The following IL18RAP variants were observed in gnomAD, a reference collection of about 807,000 sequenced individuals.
IL18RAP encodes the protein interleukin 18 receptor accessory protein, also known as interleukin-18 receptor accessory protein.
IL18RAP carries 37 observed loss-of-function variants against 58.1 expected under a neutral mutation model. The ratio of observed to expected loss-of-function variants is 0.64; its 90% CI spans 0.49 to 0.84. The LOEUF is 0.84. IL18RAP is among the 40% of genes least tolerant of loss of function. The pLI, the probability that IL18RAP is intolerant of heterozygous loss-of-function variation, is 0.00. For missense variants in IL18RAP, 667 were observed against 704.8 expected (o/e 0.95, Z 0.61); for synonymous variants, 268 against 257.5 (o/e 1.04, Z -0.39).
chr2:102,447,162 G>C lies in IL18RAP; in HGVS notation c.1165G>C (p.Val389Leu), dbSNP rs1174289057. The C allele has an allele frequency of 1.2e-6, 2 of 1,614,168 alleles. No homozygotes were observed. The highest frequency in any genetic ancestry group is 1.7e-6 in the Non-Finnish European group (2 of 1,180,036). Residue 389 changes from valine to leucine, a missense_variant, in exon 8 of 10, where the codon GTG becomes CTG. Transcript: ENST00000687160. ...CCTCTACAGGCACTGGATTGAAATA[G>C]TGCTGCTGTACCGGACCTACCAGAG... Reference protein sequence around the residue: ...ALLYRHWIEIVLLYRTYQSKD... With the variant: ...ALLYRHWIEILLLYRTYQSKD...
chr2:102,444,912 ATTG>A (rs1455893212), intron 6 of IL18RAP, among the ~76,000 whole-genome samples: 1 of 152,230 alleles, frequency 6.6e-6, no homozygotes, highest in Non-Finnish European at 1.5e-5. Flanking sequence ...TTCTTAAGGT[ATTG>A]TTATTATCTA....
At chr2:102,429,276 G>A (rs917394577) in intron 3 of IL18RAP, among the ~76,000 whole-genome samples, 1 of 151,710 alleles carries the variant, frequency 6.6e-6, no homozygotes, top group Non-Finnish European at 1.5e-5. Flanking sequence ...TAGATTTTCT[G>A]TTTCTTTATG....
Position 102,424,135 on chromosome 2 carries a change from A to G in IL18RAP, c.395A>G (p.Lys132Arg), listed in dbSNP as rs558344581. The G allele has an allele frequency of 6.2e-7, 1 of 1,609,958 alleles. No homozygotes were observed. The highest frequency in any genetic ancestry group is 1.3e-5 in the African/African-American group (1 of 74,848). ...GSYICRPKMI[K>R]SPYDVACCVK... is the part of the protein sequence containing the mutation. ...TATATTTGTAGACCCAAGATGATTA[A>G]GTATGATCCAAATACATTTCTATCT... Residue 132 changes from lysine (K) to arginine (R), a missense_variant and splice_region_variant, in exon 2 of 10, where the codon AAG (lysine) becomes AGG (arginine). By Grantham distance (26) the Lys-to-Arg change is conservative (BLOSUM62 2). Transcript: ENST00000687160.
chr2:102,424,085 C>T lies in IL18RAP; in HGVS notation c.345C>T (p.Thr115=), dbSNP rs775331372. The change falls in exon 2 of 10, where the codon ACC becomes ACT. Residue 115 remains threonine, a synonymous_variant. Transcript: ENST00000687160. ...IQDKCTLHFL[T]PGVNNSGSYI... Reference sequence around the variant, plus strand: ...ACAAATGTACCCTTCACTTTTTGACCCCAGGGGTGAATAATTCTGGGTCAT... The same window carrying T: ...ACAAATGTACCCTTCACTTTTTGACTCCAGGGGTGAATAATTCTGGGTCAT... The T allele has an allele frequency of 2.7e-5, 44 of 1,613,660 alleles. 1 individual carries two copies. The South Asian group carries it at 4.1e-4, about 15-fold the overall frequency.
At position 102,423,472 on chromosome 2, in the gene IL18RAP, G is replaced by T. The variant is rs1681709758; in HGVS notation, c.70+125G>T. ...CCTTTCCATCCTACTATTAAAAGGGGACTGAGAGGAGAATTATTAGGGTGA... is the reference window on the plus strand; with the variant it reads ...CCTTTCCATCCTACTATTAAAAGGGTACTGAGAGGAGAATTATTAGGGTGA... On this transcript the variant is annotated intron_variant, in intron 1 of 9. Coordinates refer to ENST00000687160, the MANE Select transcript of IL18RAP (RefSeq NM_001393487.1). 4 of 832,674 alleles carry T rather than the reference G, an allele frequency of 4.8e-6. No individual in the cohort carries two copies. In the East Asian group the frequency reaches 9.8e-5, roughly 20 times the overall value. The allele number at this position is 832,674 out of a possible 1,614,324, so 51.6% of individuals were successfully genotyped here.
At chr2:102,429,120 T>A (rs1297266202) in intron 3 of IL18RAP, among the ~76,000 whole-genome samples, 1 of 152,004 alleles carries the variant, frequency 6.6e-6, no homozygotes, top group Admixed American at 6.6e-5. Flanking sequence ...TGTTGTGGAT[T>A]TTTGCATCTG....
At position 102,437,348 on chromosome 2, in the gene IL18RAP, A is replaced by C. The variant is rs781034278; in HGVS notation, c.716A>C (p.Gln239Pro). 6.2e-7 allele frequency: 1 copy of C among 1,610,968 alleles called. No homozygotes were observed. Among genetic ancestry groups the C allele is most frequent in the Non-Finnish European group, 8.5e-7 (1 of 1,179,042 alleles). Residue 239 changes from glutamine to proline, a missense_variant, in exon 4 of 10, where the codon CAA (glutamine) becomes CCA (proline). Transcript: ENST00000687160. ...VSSWTVRAVV[Q>P]VRTIVGDTKL... ...TCGTGGACAGTCAGAGCTGTTGTTC[A>C]AGTGAGAACCATTGGTAAGTGAGAT... is the stretch of plus-strand genomic sequence containing the variant.
rs773890240 is a variant in IL18RAP at position 102,452,216 on chromosome 2, G to A, written c.*35G>A. ...TGGAGCCCCCTCCAGTCCAGTCCCT[G>A]GGATAGAGATGTTGCTGGACAGAAC... On this transcript the variant is annotated 3_prime_UTR_variant, in exon 10 of 10. Transcript: ENST00000687160. 1.3e-6 allele frequency: 2 copies of A among 1,537,852 alleles called. No homozygotes were observed. The highest frequency in any genetic ancestry group is 4.2e-5 in the Admixed American group (2 of 48,002).
intron 4 of IL18RAP, among the ~76,000 whole-genome samples, chr2:102,438,070 C>A (rs895721774): frequency 5.9e-5 from 9 of 152,130 alleles, no homozygotes; most frequent in African/African-American, 2.2e-4. Flanking sequence ...CTTTTCTGCT[C>A]CATAGTATAC....
chr2:102,445,573 G>A (rs996122519), intron 7 of IL18RAP, among the ~76,000 whole-genome samples: 3 of 152,160 alleles, frequency 2.0e-5, no homozygotes, highest in African/African-American at 7.2e-5. Context: ...TCTGCGTTTG[G>A]GAGGCCATGT....
intron 3 of IL18RAP, among the ~76,000 whole-genome samples, chr2:102,427,478 G>A (rs1344014809): frequency 2.0e-5 from 3 of 152,074 alleles, no homozygotes; most frequent in Non-Finnish European, 4.4e-5. Context: ...GTGATACTCA[G>A]CATTTTTTCA....
At chr2:102,435,544 C>T (rs1197159260) in intron 3 of IL18RAP, among the ~76,000 whole-genome samples, 1 of 152,034 alleles carries the variant, frequency 6.6e-6, no homozygotes, top group African/African-American at 2.4e-5. Flanking sequence ...ATATGAAAAC[C>T]TGAAATGCAC....
intron 3 of IL18RAP, among the ~76,000 whole-genome samples, chr2:102,428,782 A>T (rs1682138598): frequency 6.6e-6 from 1 of 151,806 alleles, no homozygotes; most frequent in South Asian, 2.1e-4. Context: ...TGTTTTGTTA[A>T]TCTGTTCTTA....
At chr2:102,428,517 T>A (rs1363076384) in intron 3 of IL18RAP, among the ~76,000 whole-genome samples, 1 of 151,900 alleles carries the variant, frequency 6.6e-6, no homozygotes, top group Non-Finnish European at 1.5e-5. Flanking sequence ...CAGTTCATTT[T>A]CAGTACAGGG....
chr2:102,435,033 T>C (rs1682641349), intron 3 of IL18RAP: 1 of 152,014 alleles, frequency 6.6e-6, no homozygotes, highest in Non-Finnish European at 1.5e-5. Flanking sequence ...AATCTATCAA[T>C]AGAATGTTGT....
chr2:102,419,718 A>G (rs1681453099), upstream of IL18RAP: 1 of 152,340 alleles, frequency 6.6e-6, no homozygotes, highest in Admixed American at 6.5e-5. Context: ...TCTGTGAAGG[A>G]CAACATATGG....
chr2:102,429,824 ATTGGTTGTT>A (rs1024311755), intron 3 of IL18RAP, among the ~76,000 whole-genome samples: 2 of 151,528 alleles, frequency 1.3e-5, no homozygotes, highest in African/African-American at 4.8e-5. Context: ...TCTTTATCCC[ATTGGTTGTT>A]TAGGAGCACT....
rs1486528361 is a variant in IL18RAP at position 102,445,783 on chromosome 2, C to A, written c.1072+443C>A. 2.6e-5 allele frequency among the ~76,000 whole-genome samples: 4 copies of A among 150,972 alleles called. No homozygotes were observed. In the East Asian group the frequency reaches 7.8e-4, roughly 30 times the overall value. ...GGAAGAGAGAAGGAGTAATCTTGTT[C>A]ATTGTTCAAAATGGTGTGTGTATAT... is the stretch of plus-strand genomic sequence containing the variant. On this transcript the variant is annotated intron_variant, in intron 7 of 9. Coordinates refer to ENST00000687160, the MANE Select transcript of IL18RAP (RefSeq NM_001393487.1).
At chr2:102,437,494 C>G in intron 4 of IL18RAP, 132 bp downstream of exon 4, 1 of 781,502 alleles carries the variant, frequency 1.3e-6, no homozygotes, top group Non-Finnish European at 1.8e-6. Context: ...TAAAACCTTT[C>G]ATGTGGGCAA....
Sources: gnomAD v4.1 joint callset for allele counts (sites outside exome capture counted in the v4.1 genomes callset) on GRCh38, gnomAD v4.1.1 for gene constraint, MANE v1.5 for transcripts, NCBI Gene and HGNC (gene_info 2026-07-23, HGNC 2026-07-21) for gene names.